OLFM1: variants seen among roughly 807,000 people sequenced by gnomAD.
OLFM1 encodes the protein olfactomedin 1.
A neutral mutation model predicts 49.7 loss-of-function variants in OLFM1; 9 were observed. That is an observed-to-expected ratio of 0.18 (90% CI 0.11 to 0.32). The LOEUF (loss-of-function observed/expected upper bound fraction) is 0.32, where lower values mean the gene tolerates loss of function less well. Among genes scored for constraint, OLFM1 ranks in the 10% least tolerant of loss-of-function variants. The pLI, the probability that OLFM1 is intolerant of heterozygous loss-of-function variation, is 1.00. For missense variants in OLFM1, 369 were observed against 661.8 expected (o/e 0.56, Z 4.85); for synonymous variants, 240 against 271.8 (o/e 0.88, Z 1.15).
At chr9:135,115,502 C>T (rs563579284) in intron 5 of OLFM1, among the ~76,000 whole-genome samples, 3 of 152,340 alleles carry the variant, frequency 2.0e-5, no homozygotes, top group Non-Finnish European at 2.9e-5. Context: ...TGGACAGCAG[C>T]GCATCAGGGC....
At chr9:135,081,143 CT>C (rs1473501631) in intron 1 of OLFM1, among the ~76,000 whole-genome samples, 7 of 152,160 alleles carry the variant, frequency 4.6e-5, no homozygotes, top group Non-Finnish European at 8.8e-5. Flanking sequence ...TGTCCCCATT[CT>C]TGACCTGAGG....
At chr9:135,119,378 C>T in intron 5 of OLFM1, 126 bp from the exon 6 acceptor site, 1 of 776,216 alleles carries the variant, frequency 1.3e-6, no homozygotes, top group Non-Finnish European at 2.1e-6. Flanking sequence ...GGAGTGCTCA[C>T]TGGGTCTTTG....
upstream of OLFM1, among the ~76,000 whole-genome samples, chr9:135,085,838 C>G (rs1346111416): frequency 6.6e-6 from 1 of 152,240 alleles, no homozygotes; most frequent in Non-Finnish European, 1.5e-5. Context: ...CCCACTGAAT[C>G]ACAGATTTTA....
chr9:135,094,842 C>T (rs762288833), intron 2 of OLFM1, among the ~76,000 whole-genome samples: 1 of 152,122 alleles, frequency 6.6e-6, no homozygotes, highest in African/African-American at 2.4e-5. Flanking sequence ...GATTTTGTTC[C>T]TAGAAGGGAG....
In OLFM1 at chr9:135,098,609, C is replaced by CGA; in HGVS notation, c.676+106_676+107dup. 4.8e-6 allele frequency: 5 copies of CGA among 1,044,512 alleles called. No homozygotes were observed. The highest frequency in any genetic ancestry group is 7.1e-6 in the Non-Finnish European group (5 of 702,018). The allele number at this position is 1,044,512 out of a possible 1,614,324, so 64.7% of individuals were successfully genotyped here. A position where few individuals can be genotyped will look rare whatever the true frequency, so the allele number is the denominator to read the frequency against. Reference sequence around the variant, plus strand: ...AGTGGACAGCGCCCGCCTGGCTTCGCGAGGTGATGGCTGGATTAGGGCTCC... The same window carrying CGA: ...AGTGGACAGCGCCCGCCTGGCTTCGCGAGAGGTGATGGCTGGATTAGGGCTCC... On this transcript the variant is annotated intron_variant, in intron 4 of 5. Transcript: ENST00000371793. The surrounding 1 kb of genome is among the most constrained non-coding windows in gnomAD (Gnocchi z 5.6).
At chr9:135,097,918 C>G in intron 3 of OLFM1, 2 of 1,519,750 alleles carry the variant, frequency 1.3e-6, no homozygotes, top group Non-Finnish European at 8.8e-7. Flanking sequence ...CACCATTTCA[C>G]TAAGGAACCT....
At chr9:135,086,477 G>C (rs1830598056), upstream of OLFM1, 2 of 380,204 alleles carry the variant, frequency 5.3e-6, no homozygotes, top group South Asian at 2.0e-5. Flanking sequence ...AGGGAGGCGC[G>C]CTCCTTCCGG....
chr9:135,078,130 T>C (rs573284070), intron 1 of OLFM1, among the ~76,000 whole-genome samples: 1 of 152,338 alleles, frequency 6.6e-6, no homozygotes, highest in East Asian at 1.9e-4. Context: ...AAGTTATGCG[T>C]TGCGGGTTCC....
At chr9:135,082,583 G>A (rs994979928) in intron 1 of OLFM1, among the ~76,000 whole-genome samples, 4 of 152,190 alleles carry the variant, frequency 2.6e-5, no homozygotes, top group African/African-American at 9.7e-5. Flanking sequence ...CAATTTGGCT[G>A]TCAACTTGAG....
intron 1 of OLFM1, chr9:135,076,063 G>A: frequency 6.9e-7 from 1 of 1,453,768 alleles, no homozygotes; most frequent in East Asian, 2.6e-5. Context: ...CTAGGACTCC[G>A]CTGCCCCCGA....
intron 2 of OLFM1, among the ~76,000 whole-genome samples, 171 bp downstream of exon 2, chr9:135,090,515 G>C (rs577303489): frequency 4.5e-4 from 69 of 152,090 alleles, no homozygotes; most frequent in South Asian, 1.0e-3. Context: ...TGAGTGAAAG[G>C]GTGGATGGAC....
chr9:135,094,354 T>G (rs1234421174), intron 2 of OLFM1, among the ~76,000 whole-genome samples: 1 of 152,222 alleles, frequency 6.6e-6, no homozygotes, highest in Non-Finnish European at 1.5e-5. Flanking sequence ...CCAAATAGTT[T>G]GCAGCTAGTT....
chr9:135,104,427 G>A (rs1830911233), intron 4 of OLFM1, among the ~76,000 whole-genome samples: 1 of 152,222 alleles, frequency 6.6e-6, no homozygotes, highest in Non-Finnish European at 1.5e-5. Context: ...ATGCGACCGG[G>A]ATGAGTCTGC....
At chr9:135,083,672 A>C (rs1261270050), upstream of OLFM1, among the ~76,000 whole-genome samples, 1 of 152,184 alleles carries the variant, frequency 6.6e-6, no homozygotes, top group Non-Finnish European at 1.5e-5. Flanking sequence ...AACCCCAAGC[A>C]CAGTGGCTCA....
In OLFM1 at chr9:135,120,353, C is replaced by T. The variant is rs1021783270; in HGVS notation, c.*175C>T. The T allele has an allele frequency of 1.8e-5, 12 of 650,716 alleles. No individual in the cohort carries two copies. The highest frequency in any genetic ancestry group is 8.2e-5 in the South Asian group (4 of 48,832). 40.3% of individuals were successfully genotyped at this position (650,716 alleles called of 1,614,324 possible). A position where few individuals can be genotyped will look rare whatever the true frequency, so the allele number is the denominator to read the frequency against. On this transcript the variant is annotated 3_prime_UTR_variant, in exon 6 of 6. Transcript: ENST00000371793. Reference sequence around the variant, plus strand: ...TCCGTGTTTCTCCCTTTCGAGCCGGCGGGCCACAGACGTCGGAAGAAACTC... The same window carrying T: ...TCCGTGTTTCTCCCTTTCGAGCCGGTGGGCCACAGACGTCGGAAGAAACTC...
chr9:135,097,992 C>T (rs1830822979), intron 3 of OLFM1: 1 of 1,419,664 alleles, frequency 7.0e-7, no homozygotes, highest in Non-Finnish European at 9.1e-7. Flanking sequence ...AGTTTGAACC[C>T]TTGTCAATGC....
At chr9:135,108,592 T>C (rs1224654272) in intron 5 of OLFM1, among the ~76,000 whole-genome samples, 1 of 151,522 alleles carries the variant, frequency 6.6e-6, no homozygotes, top group Non-Finnish European at 1.5e-5. Flanking sequence ...GAGATCATGC[T>C]ACTGCACTCC....
In OLFM1 at chr9:135,087,868, C is replaced by T; in HGVS notation, c.-122C>T. On this transcript the variant is annotated 5_prime_UTR_variant, in exon 1 of 6. Transcript: ENST00000371793. ...CGGCGGCGGGCGGGCGGCGGCGGGC[C>T]GAGGGGGCGCGGGGACACAGCCAGG... 1 of 969,818 alleles carries T rather than the reference C, an allele frequency of 1.0e-6. No individual in the cohort carries two copies. The highest frequency in any genetic ancestry group is 1.2e-6 in the Non-Finnish European group (1 of 818,200). The allele number at this position is 969,818 out of a possible 1,614,324, so 60.1% of individuals were successfully genotyped here. A position where few individuals can be genotyped will look rare whatever the true frequency, so the allele number is the denominator to read the frequency against.
chr9:135,080,448 C>A lies in OLFM1; in HGVS notation c.96+4646C>A, dbSNP rs1345145341. On this transcript the variant is annotated intron_variant, in intron 1 of 5. Transcript: ENST00000252854. The surrounding 1 kb of genome is among the most constrained non-coding windows in gnomAD (Gnocchi z 4.5). ...CCAAAGTTGGCTGTGGCCTCTCAGG[C>A]TGGCAATGCCTCTGGACACACGGAG... 5.9e-5 allele frequency among the ~76,000 whole-genome samples: 9 copies of A among 152,158 alleles called. No individual in the cohort carries two copies. The highest frequency in any genetic ancestry group is 1.9e-4 in the African/African-American group (8 of 41,438).
Sources: gnomAD v4.1 joint callset for allele counts (sites outside exome capture counted in the v4.1 genomes callset) on GRCh38, gnomAD v4.1.1 for gene constraint, Gnocchi (gnomAD v3.1) non-coding constraint, MANE v1.5 for transcripts, NCBI Gene and HGNC (gene_info 2026-07-23, HGNC 2026-07-21) for gene names.